GGACT: variants seen among roughly 807,000 people sequenced by gnomAD.
GGACT encodes the protein gamma-glutamylamine cyclotransferase, also known as gamma-glutamylaminecyclotransferase.
For synonymous variants in GGACT, 118 were observed against 115.3 expected (o/e 1.02, Z -0.15); for missense variants, 241 against 233.2 (o/e 1.03, Z -0.22).
intron 2 of GGACT, among the ~76,000 whole-genome samples, chr13:100,549,534 T>C (rs1348111370): frequency 4.6e-5 from 7 of 152,198 alleles, no homozygotes; most frequent in African/African-American, 1.2e-4. Flanking sequence ...GGGCAACAAG[T>C]TGTATCATAG....
At chr13:100,565,316 T>C in intron 2 of GGACT, among the ~76,000 whole-genome samples, 1 of 152,204 alleles carries the variant, frequency 6.6e-6, no homozygotes, top group East Asian at 1.9e-4. Flanking sequence ...AAGGGATTAG[T>C]TGGTATTTTA....
At chr13:100,570,722 G>T (rs748194292) in intron 2 of GGACT, among the ~76,000 whole-genome samples, 1 of 152,058 alleles carries the variant, frequency 6.6e-6, no homozygotes, top group African/African-American at 2.4e-5. Flanking sequence ...TTCTGAACAT[G>T]AGTCAATTAA....
intron 2 of GGACT, among the ~76,000 whole-genome samples, chr13:100,561,860 A>T (rs1305345713): frequency 6.6e-6 from 1 of 152,106 alleles, no homozygotes; most frequent in Non-Finnish European, 1.5e-5. Flanking sequence ...AGAGTGGGGG[A>T]GTGGGATCCC....
chr13:100,587,982 C>A (rs1412641791), intron 1 of GGACT, among the ~76,000 whole-genome samples: 1 of 152,176 alleles, frequency 6.6e-6, no homozygotes, highest in African/African-American at 2.4e-5. Flanking sequence ...GCCGAGATCG[C>A]GCCACTGCAC....
Position 100,534,581 on chromosome 13 carries a change from C to A in GGACT, c.-10-1980G>T, listed in dbSNP as rs1260453287. On this transcript the variant is annotated intron_variant, in intron 2 of 2. Transcript: ENST00000683975. The surrounding 1 kb of genome is among the most constrained non-coding windows in gnomAD (Gnocchi z 4.9). ...TACAACAGCGGGCAAGGAGCTATCCCAAAAGACGAGCACCTGGGGGGCGAT... is the reference window on the plus strand; with the variant it reads ...TACAACAGCGGGCAAGGAGCTATCCAAAAAGACGAGCACCTGGGGGGCGAT... Among the ~76,000 whole-genome samples the A allele has an allele frequency of 6.6e-6, 1 of 151,960 alleles. No homozygotes were observed. Among genetic ancestry groups the A allele is most frequent in the East Asian group, 1.9e-4 (1 of 5,158 alleles).
chr13:100,586,499 C>CCT (rs1158979671), intron 1 of GGACT, among the ~76,000 whole-genome samples: 1 of 150,558 alleles, frequency 6.6e-6, no homozygotes, highest in African/African-American at 2.4e-5. Flanking sequence ...CCCCACCCCT[C>CCT]CTCTCGCGGA....
intron 2 of GGACT, chr13:100,533,811 G>A (rs1192209094): frequency 1.3e-5 from 2 of 152,268 alleles, no homozygotes; most frequent in Admixed American, 1.3e-4. Context: ...GTGTGAAAGT[G>A]ACTCAAACAA....
In GGACT at chr13:100,530,259, C is replaced by T. The variant is rs2088307869; in HGVS notation, c.*1871G>A. ...TGATTCAAGCATTATACAGGAACAC[C>T]CCTGTGCAGCTACGTTTACGTCGTC... On this transcript the variant is annotated 3_prime_UTR_variant, in exon 3 of 3. Transcript: ENST00000683975. The T allele has an allele frequency of 2.0e-6, 2 of 987,204 alleles. No homozygotes were observed. The highest frequency in any genetic ancestry group is 3.7e-5 in the Admixed American group (2 of 54,198). The allele number at this position is 987,204 out of a possible 1,614,324, so 61.2% of individuals were successfully genotyped here.
At chr13:100,560,503 C>T (rs975886483) in intron 2 of GGACT, among the ~76,000 whole-genome samples, 5 of 152,218 alleles carry the variant, frequency 3.3e-5, no homozygotes, top group Admixed American at 2.0e-4. Context: ...AGGAGCTTAA[C>T]TCAAGTCTAC....
intron 2 of GGACT, among the ~76,000 whole-genome samples, chr13:100,578,447 C>T (rs1875317533): frequency 6.6e-6 from 1 of 152,184 alleles, no homozygotes; most frequent in South Asian, 2.1e-4. Context: ...GGCAGGTAAC[C>T]GAGCTTCTGG....
At chr13:100,570,715 T>C (rs901590088) in intron 2 of GGACT, among the ~76,000 whole-genome samples, 8 of 152,172 alleles carry the variant, frequency 5.3e-5, no homozygotes, top group African/African-American at 9.7e-5. Context: ...TCATCCATTC[T>C]GAACATGAGT....
chr13:100,543,479 G>T (rs2088574195), intron 2 of GGACT, among the ~76,000 whole-genome samples: 1 of 151,980 alleles, frequency 6.6e-6, no homozygotes, highest in African/African-American at 2.4e-5. Flanking sequence ...GTGCTAGATT[G>T]CAGGCATGAG....
At chr13:100,542,826 CT>C in intron 2 of GGACT, among the ~76,000 whole-genome samples, 1 of 152,340 alleles carries the variant, frequency 6.6e-6, no homozygotes, top group East Asian at 1.9e-4. Flanking sequence ...AATAAGAAGA[CT>C]CATGAGCTGT....
At chr13:100,560,556 G>A (rs905162807) in intron 2 of GGACT, among the ~76,000 whole-genome samples, 12 of 152,222 alleles carry the variant, frequency 7.9e-5, no homozygotes, top group Admixed American at 2.0e-4. Context: ...AGCATCCGTG[G>A]GAGCTGTGTG....
intron 2 of GGACT, chr13:100,539,419 T>G (rs2088528183): frequency 6.5e-6 from 1 of 154,584 alleles, no homozygotes; most frequent in Admixed American, 6.5e-5. Context: ...CATGAAGTTG[T>G]GTTGAATCTT....
chr13:100,551,267 G>C (rs1359970530), intron 2 of GGACT, among the ~76,000 whole-genome samples: 2 of 152,052 alleles, frequency 1.3e-5, no homozygotes, highest in East Asian at 3.9e-4. Flanking sequence ...CTGGGCGACA[G>C]AGCGAGACTC....
intron 2 of GGACT, among the ~76,000 whole-genome samples, chr13:100,555,982 C>CT (rs2088704907): frequency 6.6e-6 from 1 of 152,124 alleles, no homozygotes; most frequent in Admixed American, 6.5e-5. Context: ...AGAGGACATC[C>CT]TCGATCTACT....
intron 2 of GGACT, among the ~76,000 whole-genome samples, chr13:100,547,472 G>T (rs907319379): frequency 2.0e-5 from 3 of 152,204 alleles, no homozygotes; most frequent in Non-Finnish European, 2.9e-5. Flanking sequence ...CTCAAAAAAG[G>T]TAATCTAAAA....
chr13:100,533,283 A>G (rs1278765187), intron 2 of GGACT: 1 of 153,406 alleles, frequency 6.5e-6, no homozygotes, highest in Non-Finnish European at 1.5e-5. Flanking sequence ...AGCACAGCCC[A>G]TACCTTACTG....
Sources: allele counts gnomAD v4.1 joint callset (sites outside exome capture counted in the v4.1 genomes callset), GRCh38; gene constraint gnomAD v4.1.1; non-coding constraint Gnocchi (gnomAD v3.1); transcripts MANE v1.5; gene names NCBI Gene and HGNC (gene_info 2026-07-23, HGNC 2026-07-21).